The following SPMIP11 variants were observed in gnomAD, a reference collection of about 807,000 sequenced individuals.
SPMIP11 encodes sperm microtubule inner protein 11, also known as long intergenic non-protein coding RNA 935.
At chr12:48,757,109 C>T in the SPMIP11 span, among the ~76,000 whole-genome samples, 2 of 152,030 alleles carry the variant, frequency 1.3e-5, no homozygotes, top group South Asian at 2.1e-4. Context: ...TTGAGACTGG[C>T]TGGAGGAGAT....
chr12:48,734,683 T>C, the SPMIP11 span, among the ~76,000 whole-genome samples: 1 of 152,044 alleles, frequency 6.6e-6, no homozygotes, highest in African/African-American at 2.4e-5. Context: ...GAATGAGCTT[T>C]ATCTAATCAC....
the SPMIP11 span, chr12:48,736,185 C>T: frequency 1.5e-5 from 6 of 397,652 alleles, no homozygotes; most frequent in South Asian, 7.3e-5. Context: ...GAGTGGATTC[C>T]TTGAGCCCAG....
the SPMIP11 span, among the ~76,000 whole-genome samples, chr12:48,744,182 A>G: frequency 6.7e-6 from 1 of 149,384 alleles, no homozygotes; most frequent in Non-Finnish European, 1.5e-5. Flanking sequence ...TGGAAGGTGG[A>G]GACAGTGGTG....
At chr12:48,728,847 G>A in the SPMIP11 span, among the ~76,000 whole-genome samples, 7 of 152,086 alleles carry the variant, frequency 4.6e-5, no homozygotes, top group African/African-American at 7.2e-5. Context: ...GGAGGCAGAC[G>A]TTGAAAACTA....
the SPMIP11 span, among the ~76,000 whole-genome samples, chr12:48,749,635 CAAAAAAAAAAAA>C: frequency 1.8e-4 from 10 of 56,534 alleles, no homozygotes; most frequent in African/African-American, 8.0e-4. Context: ...AACTCGGTGT[CAAAAAAAAAAAA>C]AAAAAAAAAA....
the SPMIP11 span, among the ~76,000 whole-genome samples, chr12:48,731,502 A>G: frequency 6.6e-6 from 1 of 152,024 alleles, no homozygotes; most frequent in Non-Finnish European, 1.5e-5. Context: ...AAAAAAAAAA[A>G]AGAATTATTC....
the SPMIP11 span, among the ~76,000 whole-genome samples, chr12:48,759,868 G>A: frequency 5.3e-5 from 8 of 152,136 alleles, no homozygotes; most frequent in African/African-American, 7.2e-5. Flanking sequence ...GTGCAATGGG[G>A]CCATCTCAGC....
chr12:48,730,721 T>C, the SPMIP11 span, among the ~76,000 whole-genome samples: 2 of 151,714 alleles, frequency 1.3e-5, no homozygotes, highest in African/African-American at 4.8e-5. Context: ...GTGGATCACC[T>C]GAGGTCAGGA....
At chr12:48,733,245 T>G in the SPMIP11 span, among the ~76,000 whole-genome samples, 1 of 151,752 alleles carries the variant, frequency 6.6e-6, no homozygotes, top group African/African-American at 2.4e-5. Flanking sequence ...TGGCTAATTT[T>G]TGTATTTTTA....
At chr12:48,770,313 A>G in the SPMIP11 span, among the ~76,000 whole-genome samples, 1 of 152,166 alleles carries the variant, frequency 6.6e-6, no homozygotes, top group Non-Finnish European at 1.5e-5. Flanking sequence ...AAGCCAGTAA[A>G]TGGAGCAGCC....
At chr12:48,762,664 G>T in the SPMIP11 span, among the ~76,000 whole-genome samples, 6 of 151,914 alleles carry the variant, frequency 3.9e-5, 1 homozygote. Context: ...CACTGCATCC[G>T]GCTCTTATAA....
At chr12:48,745,500 G>A in the SPMIP11 span, among the ~76,000 whole-genome samples, 1 of 152,062 alleles carries the variant, frequency 6.6e-6, no homozygotes, top group African/African-American at 2.4e-5. Context: ...CAGCTACTTG[G>A]GAGGCTGAGG....
At chr12:48,744,399 CTG>C in the SPMIP11 span, among the ~76,000 whole-genome samples, 55 of 152,218 alleles carry the variant, frequency 3.6e-4, no homozygotes, top group African/African-American at 1.3e-3. Context: ...GAGTGAGACT[CTG>C]TTTTCCAAAA....
At chr12:48,765,007 A>G in the SPMIP11 span, 1 of 695,274 alleles carries the variant, frequency 1.4e-6, no homozygotes, top group East Asian at 2.7e-5. Context: ...TTAGGCTGGG[A>G]GGGGTAAGGG....
the SPMIP11 span, chr12:48,767,116 T>G: frequency 6.5e-6 from 1 of 152,758 alleles, no homozygotes; most frequent in African/African-American, 2.4e-5. Context: ...CTCAGAGGGA[T>G]TCCATGCTAC....
chr12:48,728,331 G>A, the SPMIP11 span, among the ~76,000 whole-genome samples: 2 of 152,216 alleles, frequency 1.3e-5, no homozygotes, highest in African/African-American at 2.4e-5. Context: ...GAACGGGGGA[G>A]TGGAGGATGG....
the SPMIP11 span, among the ~76,000 whole-genome samples, chr12:48,736,413 C>CAAAAAAAAAAAAAAAAAA: frequency 2.8e-5 from 2 of 71,844 alleles, no homozygotes; most frequent in African/African-American, 5.3e-5. Context: ...GACTCTGTCT[C>CAAAAAAAAAAAAAAAAAA]AAAAAAAAAA....
At chr12:48,770,381 C>T in the SPMIP11 span, among the ~76,000 whole-genome samples, 1 of 152,126 alleles carries the variant, frequency 6.6e-6, no homozygotes, top group Non-Finnish European at 1.5e-5. Context: ...CTCCCATCCA[C>T]CAGTTCATTT....
the SPMIP11 span, among the ~76,000 whole-genome samples, chr12:48,735,272 AG>A: frequency 6.6e-6 from 1 of 152,204 alleles, no homozygotes; most frequent in Non-Finnish European, 1.5e-5. Context: ...CAGTCAAGCC[AG>A]TCCAGCCTTC....
Sources: gnomAD v4.1 joint callset for allele counts (sites outside exome capture counted in the v4.1 genomes callset) on GRCh38, gnomAD v4.1.1 for gene constraint, MANE v1.5 for transcripts, NCBI Gene and HGNC (gene_info 2026-07-23, HGNC 2026-07-21) for gene names.